Variants in PRDM6 observed in about 807,000 individuals in gnomAD.
PRDM6 encodes the protein PR/SET domain 6.
A neutral mutation model predicts 60.8 loss-of-function variants in PRDM6; 25 were observed. That is an observed-to-expected ratio of 0.41 (90% CI 0.30 to 0.57). PRDM6 has a LOEUF of 0.57. PRDM6 is among the 20% of genes least tolerant of loss of function. The pLI, the probability that PRDM6 is intolerant of heterozygous loss-of-function variation, is 0.27. For missense variants in PRDM6, 839 were observed against 821.3 expected, an observed-to-expected ratio of 1.02 and a Z score of -0.26; for synonymous variants, 407 against 357.4, an observed-to-expected ratio of 1.14 and a Z score of -1.57.
intron 2 of PRDM6, among the ~76,000 whole-genome samples, chr5:123,093,791 A>T (rs758012214): frequency 2.0e-5 from 3 of 152,324 alleles, no homozygotes; most frequent in Middle Eastern, 6.8e-3. Context: ...AGACAGTCAC[A>T]GGGCGCGCCT....
At chr5:123,143,398 C>T (rs986875604) in intron 3 of PRDM6, among the ~76,000 whole-genome samples, 1 of 152,132 alleles carries the variant, frequency 6.6e-6, no homozygotes, top group African/African-American at 2.4e-5. Flanking sequence ...ATCAATCCCA[C>T]GTCCTGTCTA....
At chr5:123,133,989 G>A (rs1321282282) in intron 3 of PRDM6, among the ~76,000 whole-genome samples, 1 of 152,048 alleles carries the variant, frequency 6.6e-6, no homozygotes, top group African/African-American at 2.4e-5. Context: ...ATTCTGTCTT[G>A]TCATTTATTA....
chr5:123,176,898 T>A (rs571675070), intron 6 of PRDM6, among the ~76,000 whole-genome samples: 80 of 152,346 alleles, frequency 5.3e-4, no homozygotes, highest in African/African-American at 1.7e-3. Context: ...TCTTACCTTT[T>A]GGTCAGACCT....
chr5:123,090,197 C>T lies in PRDM6; in HGVS notation c.183C>T (p.Arg61=). The change falls in exon 2 of 8, where the codon CGC becomes CGT. Residue 61 remains arginine (R), a synonymous_variant. Coordinates refer to ENST00000407847, the MANE Select transcript of PRDM6 (RefSeq NM_001136239.4). ...QPPPPPPPPE[R]AEPPPDSLRP... is the part of the protein sequence containing the mutation. Reference sequence around the variant, plus strand: ...CGCCGCCGCCCCCGCCCCCGGAGCGCGCTGAGCCTCCGCCGGACAGCCTGC... The same window carrying T: ...CGCCGCCGCCCCCGCCCCCGGAGCGTGCTGAGCCTCCGCCGGACAGCCTGC... 1 of 1,485,944 alleles carries T rather than the reference C, an allele frequency of 6.7e-7. No individual in the cohort carries two copies. Among genetic ancestry groups the T allele is most frequent in the Non-Finnish European group, 8.9e-7 (1 of 1,121,306 alleles). The allele number at this position is 1,485,944 out of a possible 1,614,324, so 92.0% of individuals were successfully genotyped here. A position where few individuals can be genotyped will look rare whatever the true frequency, so the allele number is the denominator to read the frequency against.
At position 123,129,644 on chromosome 5, in the gene PRDM6, TTTATTAAACC is replaced by T. The variant is rs1195994737; in HGVS notation, c.901-26238_901-26229del. On this transcript the variant is annotated intron_variant, in intron 3 of 7. Coordinates refer to ENST00000407847, the MANE Select transcript of PRDM6 (RefSeq NM_001136239.4). ...AGTATGGCAAAAATCTCCTGGGGTA[TTTATTAAACC>T]TGTAGGTCTATCCTAAATTCACTGA... Among the ~76,000 whole-genome samples, 7 of 152,180 alleles carry T rather than the reference TTTATTAAACC, an allele frequency of 4.6e-5. 1 individual carries two copies. Among genetic ancestry groups the T allele is most frequent in the Non-Finnish European group, 1.5e-5 (1 of 68,034 alleles).
At chr5:123,143,235 C>A (rs1438208172) in intron 3 of PRDM6, among the ~76,000 whole-genome samples, 3 of 151,284 alleles carry the variant, frequency 2.0e-5, no homozygotes, top group Non-Finnish European at 4.4e-5. Flanking sequence ...TATGAACCTT[C>A]TTCCCAGAAG....
chr5:123,112,030 C>G (rs1244052339), intron 3 of PRDM6, among the ~76,000 whole-genome samples: 2 of 152,190 alleles, frequency 1.3e-5, no homozygotes, highest in East Asian at 1.9e-4. Context: ...AAAATGAACT[C>G]CCATGACTTC....
At chr5:123,111,475 G>T (rs1580485867) in intron 3 of PRDM6, among the ~76,000 whole-genome samples, 1 of 152,164 alleles carries the variant, frequency 6.6e-6, no homozygotes. Context: ...GAGGCGGGCG[G>T]ATCACGAGGT....
intron 5 of PRDM6, among the ~76,000 whole-genome samples, chr5:123,167,241 A>G (rs146858936): frequency 1.1e-3 from 164 of 152,198 alleles, no homozygotes; most frequent in African/African-American, 3.8e-3. Flanking sequence ...TCTATCAAAC[A>G]CTAGATCTTA....
chr5:123,160,505 T>C (rs931169975), intron 5 of PRDM6, among the ~76,000 whole-genome samples: 1 of 152,224 alleles, frequency 6.6e-6, no homozygotes, highest in African/African-American at 2.4e-5. Context: ...ATAACAGATA[T>C]CTTTTGATAA....
intron 3 of PRDM6, among the ~76,000 whole-genome samples, chr5:123,125,157 CCA>C (rs1764666983): frequency 3.4e-4 from 2 of 5,918 alleles, no homozygotes; most frequent in South Asian, 0.026. Flanking sequence ...CCCCTCCCCC[CCA>C]CCCGCCGGCC....
Position 123,137,553 on chromosome 5 carries a change from A to G in PRDM6, c.901-18331A>G, listed in dbSNP as rs117591433. 3.7e-4 allele frequency among the ~76,000 whole-genome samples: 57 copies of G among 152,330 alleles called. No individual in the cohort carries two copies. In the East Asian group the frequency reaches 0.011, roughly 29 times the overall value. On this transcript the variant is annotated intron_variant, in intron 3 of 7. Transcript: ENST00000407847. The stretch of plus-strand genomic sequence containing the variant: ...ACTAACACAAGAACAGAAAACCAAC[A>G]CTGCATGTTCTCACTCGTAAGTGGG...
chr5:123,143,104 C>G (rs1197811374), intron 3 of PRDM6, among the ~76,000 whole-genome samples: 5 of 151,026 alleles, frequency 3.3e-5, no homozygotes, highest in Non-Finnish European at 7.4e-5. Context: ...CCAGTCAGTA[C>G]TATCCTTTTA....
intron 3 of PRDM6, among the ~76,000 whole-genome samples, chr5:123,122,790 A>T (rs1764609118): frequency 6.6e-6 from 1 of 150,808 alleles, no homozygotes; most frequent in Admixed American, 6.6e-5. Context: ...ATAAACCTTT[A>T]AAAAAAAAGT....
At chr5:123,181,187 A>G (rs1210819819) in intron 7 of PRDM6, among the ~76,000 whole-genome samples, 5 of 152,342 alleles carry the variant, frequency 3.3e-5, no homozygotes, top group African/African-American at 1.2e-4. Flanking sequence ...GGTAGGTACA[A>G]GAGATACAAA....
intron 7 of PRDM6, among the ~76,000 whole-genome samples, chr5:123,181,364 T>C (rs993472887): frequency 8.5e-5 from 13 of 152,240 alleles, no homozygotes; most frequent in African/African-American, 2.7e-4. Flanking sequence ...TGCTATCTGG[T>C]GGAAATGATG....
At chr5:123,183,010 T>C (rs1766199357) in intron 7 of PRDM6, among the ~76,000 whole-genome samples, 1 of 152,244 alleles carries the variant, frequency 6.6e-6, no homozygotes, top group Non-Finnish European at 1.5e-5. Context: ...TCATGGATAT[T>C]CATCCCATGG....
At chr5:123,127,495 A>G (rs1764719747) in intron 3 of PRDM6, among the ~76,000 whole-genome samples, 1 of 152,220 alleles carries the variant, frequency 6.6e-6, no homozygotes, top group African/African-American at 2.4e-5. Context: ...GAGAGAAGTA[A>G]GTGGAGAATT....
chr5:123,160,754 A>G (rs529736472), intron 5 of PRDM6, among the ~76,000 whole-genome samples: 1 of 152,264 alleles, frequency 6.6e-6, no homozygotes, highest in South Asian at 2.1e-4. Flanking sequence ...CCCAAAACCA[A>G]TCTCAAATCA....
Sources: gnomAD v4.1 joint callset for allele counts (sites outside exome capture counted in the v4.1 genomes callset) on GRCh38, gnomAD v4.1.1 for gene constraint, MANE v1.5 for transcripts, NCBI Gene and HGNC (gene_info 2026-07-23, HGNC 2026-07-21) for gene names.